Variants in ESRRG observed in about 807,000 individuals in gnomAD.
ESRRG encodes estrogen-related receptor gamma.
A neutral mutation model predicts 44.0 loss-of-function variants in ESRRG; 13 were observed. The ratio of observed to expected loss-of-function variants is 0.30; its 90% CI spans 0.19 to 0.47. The LOEUF (loss-of-function observed/expected upper bound fraction) is 0.47. Among genes scored for constraint, ESRRG ranks in the 20% least tolerant of loss-of-function variants. The pLI, the probability that ESRRG is intolerant of heterozygous loss-of-function variation, is 1.00. For missense variants in ESRRG, 395 were observed against 580.6 expected (o/e 0.68, Z 3.29); for synonymous variants, 215 against 214.6 (o/e 1.00, Z -0.02).
chr1:216,826,747 C>G (rs2095404228), intron 2 of ESRRG, among the ~76,000 whole-genome samples: 1 of 152,136 alleles, frequency 6.6e-6, no homozygotes, highest in Non-Finnish European at 1.5e-5. Context: ...ATTCCATTTT[C>G]AGATTTGATC....
At chr1:216,912,494 A>T (rs1302054507) in intron 2 of ESRRG, among the ~76,000 whole-genome samples, 1 of 152,108 alleles carries the variant, frequency 6.6e-6, no homozygotes, top group South Asian at 2.1e-4. Flanking sequence ...GTGCTTATTT[A>T]TATTTTTTAA....
At chr1:216,949,681 G>A (rs2066634108) in intron 1 of ESRRG, among the ~76,000 whole-genome samples, 1 of 152,106 alleles carries the variant, frequency 6.6e-6, no homozygotes, top group Non-Finnish European at 1.5e-5. Context: ...TGACATTTCT[G>A]TGAGCTTGTC....
chr1:216,580,852 A>G (rs180745083), intron 3 of ESRRG, among the ~76,000 whole-genome samples: 1 of 152,358 alleles, frequency 6.6e-6, no homozygotes, highest in African/African-American at 2.4e-5. Context: ...ACAGAAGAGC[A>G]GAAGCCTTTC....
intron 1 of ESRRG, among the ~76,000 whole-genome samples, chr1:217,116,843 A>C (rs1318679959): frequency 6.6e-6 from 1 of 152,186 alleles, no homozygotes; most frequent in African/African-American, 2.4e-5. Flanking sequence ...AGTTGGCAAG[A>C]ATCTCTACTA....
chr1:216,595,062 G>A, intron 3 of ESRRG, among the ~76,000 whole-genome samples: 1 of 152,208 alleles, frequency 6.6e-6, no homozygotes, highest in Non-Finnish European at 1.5e-5. Flanking sequence ...AAGTACTTGT[G>A]TGAGAGCAGG....
intron 5 of ESRRG, among the ~76,000 whole-genome samples, chr1:216,560,617 G>C (rs1048709091): frequency 6.6e-6 from 1 of 152,136 alleles, no homozygotes; most frequent in Non-Finnish European, 1.5e-5. Flanking sequence ...AGATCTGACT[G>C]TTGGGCTGAT....
At chr1:216,781,765 G>A (rs1001853253) in intron 2 of ESRRG, among the ~76,000 whole-genome samples, 12 of 152,052 alleles carry the variant, frequency 7.9e-5, no homozygotes, top group African/African-American at 2.9e-4. Context: ...CCATAGGGGA[G>A]TGGCAAGCCT....
At chr1:216,777,247 G>T (rs982060521) in intron 2 of ESRRG, among the ~76,000 whole-genome samples, 2 of 152,100 alleles carry the variant, frequency 1.3e-5, no homozygotes, top group Non-Finnish European at 2.9e-5. Context: ...TACTCCTCCA[G>T]CAGTGAGGAG....
intron 2 of ESRRG, among the ~76,000 whole-genome samples, chr1:216,831,394 A>T (rs2095484947): frequency 6.6e-6 from 1 of 152,120 alleles, no homozygotes; most frequent in Non-Finnish European, 1.5e-5. Flanking sequence ...ATCTCATCTA[A>T]ACTCGCTTTT....
Position 216,504,780 on chromosome 1 carries a change from G to T in ESRRG, c.*2159C>A, listed in dbSNP as rs1387579805. The stretch of plus-strand genomic sequence containing the variant: ...TGGTATTCTATAATAAACCATTAGA[G>T]AAATTATTCCTTGTTTTGAAAATAT... On this transcript the variant is annotated 3_prime_UTR_variant, in exon 7 of 7. Transcript: ENST00000408911. 3 of 152,544 alleles carry T rather than the reference G, an allele frequency of 2.0e-5. No homozygotes were observed. The highest frequency in any genetic ancestry group is 4.8e-5 in the African/African-American group (2 of 41,418). 9.4% of individuals were successfully genotyped at this position (152,544 alleles called of 1,614,324 possible). A position where few individuals can be genotyped will look rare whatever the true frequency, so the allele number is the denominator to read the frequency against.
In ESRRG at chr1:216,623,314, C is replaced by T. The variant is rs116996624; in HGVS notation, c.589+27659G>A. Among the ~76,000 whole-genome samples, 694 of 152,052 alleles carry T rather than the reference C, an allele frequency of 4.6e-3. 16 individuals carry two copies. In the East Asian group the frequency reaches 0.06, roughly 13 times the overall value. ...GCCAGGATGGTCTCGATCTCCTGAC[C>T]TAAACTCTAACTTTTAAGAACAAAT... On this transcript the variant is annotated intron_variant, in intron 3 of 6. Transcript: ENST00000408911.
chr1:216,912,201 G>A (rs1414503881), intron 2 of ESRRG, among the ~76,000 whole-genome samples: 111 of 6,718 alleles, frequency 0.017, 7 homozygotes, highest in Middle Eastern at 0.17. Flanking sequence ...GAGAGGAGAG[G>A]AGAGGAGAGG....
intron 2 of ESRRG, chr1:216,805,338 C>G (rs946928143): frequency 6.6e-6 from 1 of 152,074 alleles, no homozygotes; most frequent in Non-Finnish European, 1.5e-5. Flanking sequence ...GTTGAGTTAG[C>G]TAGCAATATT....
intron 1 of ESRRG, among the ~76,000 whole-genome samples, chr1:216,949,673 A>G (rs1471838179): frequency 6.6e-6 from 1 of 152,212 alleles, no homozygotes; most frequent in Admixed American, 6.5e-5. Flanking sequence ...GAATATCTTG[A>G]CATTTCTGTG....
intron 2 of ESRRG, among the ~76,000 whole-genome samples, chr1:216,653,338 T>A (rs1338199939): frequency 2.0e-5 from 3 of 152,218 alleles, no homozygotes; most frequent in Admixed American, 6.5e-5. Flanking sequence ...CGCTGTCATC[T>A]TCCTTTCCCT....
chr1:216,790,646 G>A (rs903522208), intron 2 of ESRRG, among the ~76,000 whole-genome samples: 2 of 152,134 alleles, frequency 1.3e-5, no homozygotes, highest in African/African-American at 4.8e-5. Flanking sequence ...GCAGAAGAGA[G>A]TTTGGCTATA....
At chr1:216,811,654 T>C (rs765650866) in intron 2 of ESRRG, among the ~76,000 whole-genome samples, 1 of 152,128 alleles carries the variant, frequency 6.6e-6, no homozygotes, top group South Asian at 2.1e-4. Context: ...TGAGTTCTTA[T>C]ACACTACGCC....
intron 2 of ESRRG, among the ~76,000 whole-genome samples, chr1:216,922,572 C>T (rs1329853762): frequency 2.0e-5 from 3 of 152,112 alleles, no homozygotes; most frequent in African/African-American, 2.4e-5. Context: ...AATAATTACA[C>T]AAGTAATTAA....
chr1:216,656,941 A>T (rs1194410403), intron 2 of ESRRG, among the ~76,000 whole-genome samples: 1 of 152,138 alleles, frequency 6.6e-6, no homozygotes, highest in Non-Finnish European at 1.5e-5. Context: ...AAATAATGGG[A>T]TTTGCCTCAG....
Sources: gnomAD v4.1 joint callset for allele counts (sites outside exome capture counted in the v4.1 genomes callset) on GRCh38, gnomAD v4.1.1 for gene constraint, MANE v1.5 for transcripts, NCBI Gene and HGNC (gene_info 2026-07-23, HGNC 2026-07-21) for gene names.